LYRM7: variants seen among roughly 807,000 people sequenced by gnomAD.
The protein encoded by LYRM7 is LYR motif containing 7, also known as complex III assembly factor LYRM7.
Under a neutral mutation model 15.8 loss-of-function variants are expected in LYRM7, and 9 were observed. The ratio of observed to expected loss-of-function variants is 0.57; its 90% CI spans 0.34 to 0.99. The LOEUF (loss-of-function observed/expected upper bound fraction) is 0.99, where lower values mean the gene tolerates loss of function less well. LYRM7 is among the 50% of genes least tolerant of loss of function. LYRM7 has a pLI of 0.02. For synonymous variants in LYRM7, 39 were observed against 39.4 expected (o/e 0.99, Z 0.04); for missense variants, 115 against 119.1 (o/e 0.97, Z 0.16).
At chr5:131,196,365 T>A (rs1755965554) in intron 4 of LYRM7, among the ~76,000 whole-genome samples, 1 of 152,054 alleles carries the variant, frequency 6.6e-6, no homozygotes. Context: ...GGGTGCAATG[T>A]ACCAAGCAAA....
intron 3 of LYRM7, among the ~76,000 whole-genome samples, chr5:131,183,338 A>T (rs1403915251): frequency 6.6e-6 from 1 of 152,218 alleles, no homozygotes; most frequent in African/African-American, 2.4e-5. Flanking sequence ...TAAAATGACC[A>T]TATAATCAAC....
intron 4 of LYRM7, among the ~76,000 whole-genome samples, chr5:131,187,677 G>T (rs752234540): frequency 4.5e-4 from 68 of 151,708 alleles, no homozygotes; most frequent in Admixed American, 2.7e-3. Context: ...ATAGAAACAG[G>T]GTTTTACTTT....
At position 131,197,846 on chromosome 5, in the gene LYRM7, C is replaced by CTGTGTGTGTGTGTG. The variant is rs56146861; in HGVS notation, c.245-1659_245-1646dup. ...AGGCATGAGCCGCTGCATCTGGCCACTGTGTGTGTGTGTGTGTGTGTGTGT... is the reference window on the plus strand; with the variant it reads ...AGGCATGAGCCGCTGCATCTGGCCACTGTGTGTGTGTGTGTGTGTGTGTGTGTGTGTGTGTGTGT... On this transcript the variant is annotated intron_variant, in intron 4 of 4. Transcript: ENST00000379380. Among the ~76,000 whole-genome samples, 927 of 143,358 alleles carry CTGTGTGTGTGTGTG rather than the reference C, an allele frequency of 6.5e-3. 7 individuals carry two copies. Among genetic ancestry groups the CTGTGTGTGTGTGTG allele is most frequent in the African/African-American group, 0.021 (818 of 38,298 alleles). 94.0% of individuals were successfully genotyped at this position (143,358 alleles called of 152,430 possible).
chr5:131,195,652 C>T (rs188539036), intron 4 of LYRM7, among the ~76,000 whole-genome samples: 8 of 152,254 alleles, frequency 5.3e-5, no homozygotes, highest in Admixed American at 2.0e-4. Context: ...ATGGGCAGAA[C>T]GTAGAGGCTG....
In LYRM7 at chr5:131,201,837, T is replaced by A. The variant is rs1243291236; in HGVS notation, c.*2236T>A. The A allele has an allele frequency of 1.3e-5, 2 of 152,052 alleles. No homozygotes were observed. Among genetic ancestry groups the A allele is most frequent in the Admixed American group, 1.3e-4 (2 of 15,278 alleles). 9.4% of individuals were successfully genotyped at this position (152,052 alleles called of 1,614,324 possible). On this transcript the variant is annotated 3_prime_UTR_variant, in exon 5 of 5. Transcript: ENST00000379380. Reference sequence around the variant, plus strand: ...TATTCTTATATAGCATATGCTAATTTATTTATTTATTTTTTGAGATTGAGT... The same window carrying A: ...TATTCTTATATAGCATATGCTAATTAATTTATTTATTTTTTGAGATTGAGT...
rs186263913 is a variant in LYRM7 at position 131,199,758 on chromosome 5, T to C, written c.*157T>C. On this transcript the variant is annotated 3_prime_UTR_variant, in exon 5 of 5. Transcript: ENST00000379380. Reference sequence around the variant, plus strand: ...ATTTAAATTTCATGTTAAAAGGTCATTACTGAGAACTAAAGAACATAATTA... The same window carrying C: ...ATTTAAATTTCATGTTAAAAGGTCACTACTGAGAACTAAAGAACATAATTA... 8.7e-6 allele frequency: 4 copies of C among 460,216 alleles called. No individual in the cohort carries two copies. Among genetic ancestry groups the C allele is most frequent in the Admixed American group, 4.1e-5 (1 of 24,466 alleles). 28.5% of individuals were successfully genotyped at this position (460,216 alleles called of 1,614,324 possible). A position where few individuals can be genotyped will look rare whatever the true frequency, so the allele number is the denominator to read the frequency against.
chr5:131,191,511 AG>A (rs1237572777), intron 4 of LYRM7, among the ~76,000 whole-genome samples: 1 of 152,184 alleles, frequency 6.6e-6, no homozygotes, highest in East Asian at 1.9e-4. Context: ...TAATATCTAC[AG>A]TGGAAATTAA....
At chr5:131,197,791 C>T (rs1447875639) in intron 4 of LYRM7, among the ~76,000 whole-genome samples, 1 of 151,616 alleles carries the variant, frequency 6.6e-6, no homozygotes, top group Non-Finnish European at 1.5e-5. Context: ...GCAATCTTCC[C>T]ACCTCAGCTT....
At chr5:131,181,396 ATT>A (rs1491379513) in intron 2 of LYRM7, among the ~76,000 whole-genome samples, 1 of 90,832 alleles carries the variant, frequency 1.1e-5, no homozygotes, top group Non-Finnish European at 1.8e-5. Flanking sequence ...ATACATATAT[ATT>A]ATATATACAT....
At chr5:131,171,119 CTGGAGGCTG>C in intron 1 of LYRM7, 81 bp downstream of exon 1, 1 of 1,372,944 alleles carries the variant, frequency 7.3e-7, no homozygotes, top group South Asian at 1.6e-5. Flanking sequence ...TCTGGAGTCT[CTGGAGGCTG>C]GGGCTCCTGA....
At chr5:131,181,275 G>GA (rs1195878324) in intron 2 of LYRM7, among the ~76,000 whole-genome samples, 216 of 8,346 alleles carry the variant, frequency 0.026, 79 homozygotes, top group East Asian at 0.058. Context: ...GACTCCATCT[G>GA]AAAAAAAAAA....
At chr5:131,175,516 G>A (rs558500589) in intron 1 of LYRM7, among the ~76,000 whole-genome samples, 152 of 151,548 alleles carry the variant, frequency 1.0e-3, no homozygotes, top group African/African-American at 3.6e-3. Context: ...CCTTTTTTGG[G>A]TGTGTTTGTT....
intron 3 of LYRM7, 73 bp from the exon 4 acceptor site, chr5:131,186,955 A>G (rs367583215): frequency 3.6e-6 from 3 of 822,938 alleles, no homozygotes; most frequent in South Asian, 1.6e-5. Context: ...TAGTAAAACT[A>G]TCGTTTTCAA....
intron 4 of LYRM7, among the ~76,000 whole-genome samples, chr5:131,194,694 T>G (rs771502326): frequency 2.0e-5 from 3 of 152,154 alleles, no homozygotes; most frequent in Non-Finnish European, 4.4e-5. Flanking sequence ...ACATCCGAAG[T>G]GTAGCATCTT....
chr5:131,192,145 T>C (rs894231072), intron 4 of LYRM7, among the ~76,000 whole-genome samples: 1 of 151,696 alleles, frequency 6.6e-6, no homozygotes, highest in Admixed American at 6.6e-5. Context: ...TACATGAACC[T>C]GGAAGACATT....
At position 131,201,243 on chromosome 5, in the gene LYRM7, G is replaced by A. The variant is rs1321793503; in HGVS notation, c.*1642G>A. On this transcript the variant is annotated 3_prime_UTR_variant, in exon 5 of 5. Coordinates refer to ENST00000379380, the MANE Select transcript of LYRM7 (RefSeq NM_181705.4). ...GCAGGAAAATCACTTGAACCCGGGA[G>A]GTGGAGGTTGCAGTGAACTGAGATT... 6.6e-6 allele frequency: 1 copy of A among 151,256 alleles called. No homozygotes were observed. The highest frequency in any genetic ancestry group is 6.6e-5 in the Admixed American group (1 of 15,162). The allele number at this position is 151,256 out of a possible 1,614,324, so 9.4% of individuals were successfully genotyped here. A position where few individuals can be genotyped will look rare whatever the true frequency, so the allele number is the denominator to read the frequency against.
intron 1 of LYRM7, among the ~76,000 whole-genome samples, chr5:131,176,075 G>A (rs1755598067): frequency 6.6e-6 from 1 of 152,154 alleles, no homozygotes; most frequent in East Asian, 1.9e-4. Context: ...AGCTTATTAA[G>A]AGCTAATTAA....
chr5:131,196,269 G>A lies in LYRM7; in HGVS notation c.245-3262G>A, dbSNP rs540019897. Among the ~76,000 whole-genome samples, 101 of 151,616 alleles carry A rather than the reference G, an allele frequency of 6.7e-4. No individual in the cohort carries two copies. The South Asian group carries it at 0.012, about 18-fold the overall frequency. On this transcript the variant is annotated intron_variant, in intron 4 of 4. Coordinates refer to ENST00000379380, the MANE Select transcript of LYRM7 (RefSeq NM_181705.4). ...ACCGCTCGGGCAATCCAACCACCTC[G>A]GCCTCCTAAAGTACTAGGAGTATAG...
chr5:131,174,047 C>G (rs933804683), intron 1 of LYRM7, among the ~76,000 whole-genome samples: 2 of 152,208 alleles, frequency 1.3e-5, no homozygotes, highest in Non-Finnish European at 2.9e-5. Flanking sequence ...CACAGTAGAG[C>G]ATCTTTCAAA....
Sources: gnomAD v4.1 joint callset for allele counts (sites outside exome capture counted in the v4.1 genomes callset) on GRCh38, gnomAD v4.1.1 for gene constraint, MANE v1.5 for transcripts, NCBI Gene and HGNC (gene_info 2026-07-23, HGNC 2026-07-21) for gene names.